Variants in EPHB1 observed in about 807,000 individuals in gnomAD.
EPHB1 encodes EPH receptor B1.
Under a neutral mutation model 94.4 loss-of-function variants are expected in EPHB1, and 30 were observed. The ratio of observed to expected loss-of-function variants is 0.32; its 90% CI spans 0.24 to 0.43. EPHB1 has a LOEUF of 0.43. Among genes scored for constraint, EPHB1 ranks in the 20% least tolerant of loss-of-function variants. The pLI is 1.00. For synonymous variants in EPHB1, 522 were observed against 489.1 expected, an observed-to-expected ratio of 1.07 and a Z score of -0.89; for missense variants, 1,055 against 1,308.3, an observed-to-expected ratio of 0.81 and a Z score of 2.99.
chr3:134,999,653 C>T (rs1361562764), intron 3 of EPHB1, among the ~76,000 whole-genome samples: 2 of 152,150 alleles, frequency 1.3e-5, no homozygotes, highest in Admixed American at 1.3e-4. Context: ...GGGCACAGCC[C>T]AGGCTTTATG....
intron 1 of EPHB1, among the ~76,000 whole-genome samples, chr3:134,891,528 A>T (rs1560284347): frequency 6.6e-6 from 1 of 152,206 alleles, no homozygotes; most frequent in Non-Finnish European, 1.5e-5. Flanking sequence ...TGTGAGTTTT[A>T]AAAAAATCAA....
At chr3:135,076,216 A>T (rs978798459) in intron 3 of EPHB1, among the ~76,000 whole-genome samples, 1 of 135,732 alleles carries the variant, frequency 7.4e-6, no homozygotes, top group Non-Finnish European at 1.5e-5. Flanking sequence ...ATATTTGTAT[A>T]TCATTTATCT....
intron 1 of EPHB1, among the ~76,000 whole-genome samples, chr3:134,894,810 G>A (rs953795800): frequency 1.3e-5 from 2 of 152,208 alleles, no homozygotes; most frequent in African/African-American, 4.8e-5. Context: ...GAAACACATT[G>A]AAGAGCCAAG....
intron 12 of EPHB1, among the ~76,000 whole-genome samples, chr3:135,211,201 T>C (rs1943024431): frequency 6.6e-6 from 1 of 152,232 alleles, no homozygotes; most frequent in African/African-American, 2.4e-5. Flanking sequence ...AATCATATCA[T>C]ATAGATCCAT....
chr3:134,874,400 G>A (rs1402349232), intron 1 of EPHB1, among the ~76,000 whole-genome samples: 1 of 152,086 alleles, frequency 6.6e-6, no homozygotes, highest in Non-Finnish European at 1.5e-5. Context: ...CTTAGAGGAT[G>A]GGTCAATAGG....
chr3:135,117,587 G>A (rs530427834), intron 4 of EPHB1, among the ~76,000 whole-genome samples: 1 of 152,242 alleles, frequency 6.6e-6, no homozygotes, highest in South Asian at 2.1e-4. Context: ...ACATCAAGAA[G>A]GGTGGCTTGT....
intron 3 of EPHB1, among the ~76,000 whole-genome samples, chr3:135,003,874 C>T (rs1160881230): frequency 1.3e-5 from 2 of 151,906 alleles, no homozygotes; most frequent in African/African-American, 4.9e-5. Context: ...AGATGGGTTT[C>T]CTGATACAGC....
chr3:135,068,448 C>T (rs1473244105), intron 3 of EPHB1, among the ~76,000 whole-genome samples: 2 of 152,044 alleles, frequency 1.3e-5, no homozygotes, highest in East Asian at 3.9e-4. Flanking sequence ...CATGTGTTTA[C>T]TGGGGCTGTT....
At chr3:135,121,024 C>T (rs1191107583) in intron 4 of EPHB1, among the ~76,000 whole-genome samples, 1 of 152,168 alleles carries the variant, frequency 6.6e-6, no homozygotes, top group East Asian at 1.9e-4. Context: ...GCAGGGACTC[C>T]TCCAGTCTGG....
At chr3:135,088,558 C>T (rs776552994) in intron 3 of EPHB1, among the ~76,000 whole-genome samples, 13 of 152,170 alleles carry the variant, frequency 8.5e-5, no homozygotes, top group Non-Finnish European at 1.6e-4. Context: ...CATTCTACTT[C>T]GTTGCTTTGA....
chr3:134,821,792 G>A (rs895288214), intron 1 of EPHB1, among the ~76,000 whole-genome samples: 8 of 152,184 alleles, frequency 5.3e-5, no homozygotes, highest in Non-Finnish European at 1.0e-4. Context: ...GTGACACTGG[G>A]AGGCTGGGGG....
intron 1 of EPHB1, among the ~76,000 whole-genome samples, chr3:134,859,787 T>C (rs958779015): frequency 5.3e-5 from 8 of 152,242 alleles, no homozygotes; most frequent in African/African-American, 1.9e-4. Context: ...AATTCATTTT[T>C]TGACTCCTCT....
intron 1 of EPHB1, among the ~76,000 whole-genome samples, chr3:134,910,906 G>T (rs1295583769): frequency 6.6e-6 from 1 of 152,244 alleles, no homozygotes; most frequent in Non-Finnish European, 1.5e-5. Context: ...GGTACAACAG[G>T]ACAGGGTGAG....
intron 5 of EPHB1, among the ~76,000 whole-genome samples, chr3:135,143,184 G>C (rs566131434): frequency 1.3e-5 from 2 of 152,202 alleles, no homozygotes; most frequent in South Asian, 4.1e-4. Flanking sequence ...GGTGGGCTCA[G>C]TAGTCAGTGG....
intron 8 of EPHB1, among the ~76,000 whole-genome samples, chr3:135,166,505 C>T (rs892567141): frequency 2.0e-5 from 3 of 152,220 alleles, no homozygotes; most frequent in African/African-American, 7.2e-5. Flanking sequence ...ACTCTGAGTT[C>T]TGCAGAAAAG....
chr3:135,219,407 G>C (rs1943227992), intron 12 of EPHB1, among the ~76,000 whole-genome samples: 1 of 151,876 alleles, frequency 6.6e-6, no homozygotes, highest in Non-Finnish European at 1.5e-5. Context: ...CATTAAAGAA[G>C]GGGGATTAGA....
intron 13 of EPHB1, among the ~76,000 whole-genome samples, chr3:135,247,210 C>T (rs199697013): frequency 1.0e-3 from 159 of 152,264 alleles, no homozygotes; most frequent in Non-Finnish European, 1.8e-3. Context: ...CCAGAGGCAA[C>T]TGCTATTAAC....
intron 1 of EPHB1, among the ~76,000 whole-genome samples, chr3:134,886,807 G>A (rs2037872378): frequency 6.6e-6 from 1 of 152,138 alleles, no homozygotes; most frequent in East Asian, 1.9e-4. Flanking sequence ...CAGAGGGTGA[G>A]TTTGAGTTTC....
intron 3 of EPHB1, among the ~76,000 whole-genome samples, chr3:135,100,066 T>C (rs970360675): frequency 2.6e-5 from 4 of 151,936 alleles, no homozygotes; most frequent in African/African-American, 9.7e-5. Flanking sequence ...TGCAAACTCA[T>C]TTGGGGAAAA....
Sources: allele counts gnomAD v4.1 joint callset (sites outside exome capture counted in the v4.1 genomes callset), GRCh38; gene constraint gnomAD v4.1.1; transcripts MANE v1.5; gene names NCBI Gene and HGNC (gene_info 2026-07-23, HGNC 2026-07-21).